The following CACNA1I variants were observed in gnomAD, a reference collection of about 807,000 sequenced individuals.
CACNA1I encodes the protein voltage-dependent T-type calcium channel subunit alpha-1I.
Under a neutral mutation model 201.6 loss-of-function variants are expected in CACNA1I, and 74 were observed. That is an observed-to-expected ratio of 0.37 (90% CI 0.30 to 0.45). The LOEUF (loss-of-function observed/expected upper bound fraction) is 0.45. Among genes scored for constraint, CACNA1I ranks in the 20% least tolerant of loss-of-function variants. CACNA1I has a pLI of 1.00. For missense variants in CACNA1I, 2,346 were observed against 3,138.1 expected (o/e 0.75, Z 6.03); for synonymous variants, 1,431 against 1,345.2 (o/e 1.06, Z -1.40).
intron 1 of CACNA1I, among the ~76,000 whole-genome samples, chr22:39,582,348 C>T (rs1932581551): frequency 6.6e-6 from 1 of 152,076 alleles, no homozygotes; most frequent in South Asian, 2.1e-4. Flanking sequence ...TTCATAATGT[C>T]TGGAGATGGT....
chr22:39,620,232 C>T (rs1414555418), intron 4 of CACNA1I, among the ~76,000 whole-genome samples: 3 of 150,538 alleles, frequency 2.0e-5, no homozygotes, highest in Non-Finnish European at 1.5e-5. Flanking sequence ...TCCACCCATC[C>T]ACCTGTCCAT....
At chr22:39,586,782 A>G (rs1401663889) in intron 1 of CACNA1I, among the ~76,000 whole-genome samples, 1 of 152,128 alleles carries the variant, frequency 6.6e-6, no homozygotes, top group Non-Finnish European at 1.5e-5. Context: ...GAGGCTGGAG[A>G]AGAATGTAAT....
At chr22:39,615,942 G>A (rs1007294010) in intron 3 of CACNA1I, among the ~76,000 whole-genome samples, 1 of 152,168 alleles carries the variant, frequency 6.6e-6, no homozygotes, top group African/African-American at 2.4e-5. Context: ...TGGTTGCCAG[G>A]AAGCTCAGAG....
rs1231772467 is a variant in CACNA1I at position 39,679,470 on chromosome 22, AG to A, written c.5394+28del. 8.7e-6 allele frequency: 12 copies of A among 1,383,772 alleles called. No individual in the cohort carries two copies. In the Admixed American group the frequency reaches 3.5e-4, roughly 41 times the overall value. 85.7% of individuals were successfully genotyped at this position (1,383,772 alleles called of 1,614,324 possible). ...GGTGGGCAGGGGCTGGAGAGGTGTGAGGGTCGCCAGAGGGGGGGCACCGCAG... is the reference window on the plus strand; with the variant it reads ...GGTGGGCAGGGGCTGGAGAGGTGTGAGGTCGCCAGAGGGGGGGCACCGCAG... On this transcript the variant is annotated intron_variant, in intron 32 of 36. Coordinates refer to ENST00000402142, the MANE Select transcript of CACNA1I (RefSeq NM_021096.4).
chr22:39,616,771 AAAAAAAAAAAAAAAAAG>A (rs532098283), intron 3 of CACNA1I, among the ~76,000 whole-genome samples: 57,152 of 150,226 alleles, frequency 0.38, 12,169 homozygotes, highest in Non-Finnish European at 0.49. Context: ...TCTCAAAAAA[AAAAAAAAAAAAAAAAAG>A]AAAAGAAAAA....
chr22:39,589,772 C>T (rs558694558), intron 1 of CACNA1I, among the ~76,000 whole-genome samples: 7 of 152,292 alleles, frequency 4.6e-5, no homozygotes, highest in African/African-American at 1.7e-4. Flanking sequence ...CACTGGGGAC[C>T]AGCAGGGGAG....
chr22:39,635,342 G>C lies in CACNA1I; in HGVS notation c.740+618G>C, dbSNP rs192110156. ...TCGGGGCTCAGGATGCGGCAGAAGG[G>C]GGGGGGTCCCTGCCCCCTGCCCTTG... On this transcript the variant is annotated intron_variant, in intron 5 of 36. Transcript: ENST00000402142. Among the ~76,000 whole-genome samples, 842 of 152,246 alleles carry C rather than the reference G, an allele frequency of 5.5e-3. 9 individuals are homozygous for C. Among genetic ancestry groups the C allele is most frequent in the Non-Finnish European group, 7.9e-3 (539 of 68,012 alleles).
chr22:39,605,974 T>C (rs1420884041), intron 3 of CACNA1I, among the ~76,000 whole-genome samples: 3 of 152,232 alleles, frequency 2.0e-5, no homozygotes, highest in African/African-American at 7.2e-5. Flanking sequence ...GCAGGGATGG[T>C]ATCACTGACA....
intron 34 of CACNA1I, among the ~76,000 whole-genome samples, chr22:39,681,808 G>C (rs2146481919): frequency 6.6e-6 from 1 of 152,260 alleles, no homozygotes; most frequent in East Asian, 1.9e-4. Flanking sequence ...TCAGCTCAGA[G>C]TAGGCTGTGG....
chr22:39,672,903 G>C, intron 27 of CACNA1I, 46 bp from the exon 28 acceptor site: 1 of 1,579,244 alleles, frequency 6.3e-7, no homozygotes, highest in East Asian at 2.3e-5. Flanking sequence ...GAACCAGAGG[G>C]ATCCTCCTCA....
intron 10 of CACNA1I, among the ~76,000 whole-genome samples, chr22:39,657,510 G>C (rs73888105): frequency 6.6e-6 from 1 of 152,186 alleles, no homozygotes; most frequent in South Asian, 2.1e-4. Flanking sequence ...GGCCATTGCT[G>C]GGAAGGGGAG....
chr22:39,637,042 T>C (rs1007919391), intron 5 of CACNA1I, among the ~76,000 whole-genome samples: 6 of 152,216 alleles, frequency 3.9e-5, no homozygotes, highest in Admixed American at 6.5e-5. Context: ...AGCCTCTCCC[T>C]GGCTGTGTGG....
Position 39,665,979 on chromosome 22 carries a change from C to G in CACNA1I, c.4077C>G (p.His1359Gln). The G allele has an allele frequency of 6.2e-7, 1 of 1,613,816 alleles. No individual in the cohort carries two copies. The highest frequency in any genetic ancestry group is 8.5e-7 in the Non-Finnish European group (1 of 1,179,862). The change falls in exon 23 of 37, where the codon CAC (histidine) becomes CAG (glutamine). Residue 1359 changes from histidine to glutamine, a missense_variant. Transcript: ENST00000402142. The surrounding 1 kb of genome is among the most constrained non-coding windows in gnomAD (Gnocchi z 5.5). The stretch of plus-strand genomic sequence containing the variant: ...CCGCCAACTACCGCTGGGTCCATCA[C>G]AAATACAACTTCGACAACCTGGGCC... Reference protein sequence around the residue: ...CMAANYRWVHHKYNFDNLGQA... With the variant: ...CMAANYRWVHQKYNFDNLGQA...
chr22:39,582,097 T>C (rs1379491087), intron 1 of CACNA1I, among the ~76,000 whole-genome samples: 2 of 152,184 alleles, frequency 1.3e-5, no homozygotes. Context: ...CTGAGGACTA[T>C]ACCTGGCTTT....
intron 10 of CACNA1I, chr22:39,656,659 A>AATGG: frequency 3.9e-6 from 2 of 518,964 alleles, no homozygotes; most frequent in Non-Finnish European, 7.7e-6. Flanking sequence ...TGAATGAATG[A>AATGG]ATGAATGAAT....
chr22:39,628,331 G>A (rs1386802962), intron 4 of CACNA1I, among the ~76,000 whole-genome samples: 2 of 152,114 alleles, frequency 1.3e-5, no homozygotes, highest in African/African-American at 4.8e-5. Flanking sequence ...TGATCTGATC[G>A]GGGCAGGGGC....
rs147913603 is a variant in CACNA1I at position 39,640,007 on chromosome 22, G to T, written c.741-860G>T. ...CCACGGCCAAAATGTTGGGATTTTT[G>T]ATTAGGATTGCAATGAAGCATAGAT... On this transcript the variant is annotated intron_variant, in intron 5 of 36. Transcript: ENST00000402142. Among the ~76,000 whole-genome samples the T allele has an allele frequency of 7.2e-5, 11 of 152,302 alleles. No individual in the cohort carries two copies. In the East Asian group the frequency reaches 1.3e-3, roughly 19 times the overall value.
Position 39,659,855 on chromosome 22 carries a change from G to A in CACNA1I, c.2604+3G>A. ...TGGTGGAGGGCTTCCAGGCGGAGGT[G>A]ACTGTGGTCTTGGCAGAGGAAGCAC... On this transcript the variant is annotated splice_donor_region_variant and intron_variant, in intron 14 of 36. Transcript: ENST00000402142. The surrounding 1 kb of genome is among the most constrained non-coding windows in gnomAD (Gnocchi z 4.3). 1 of 1,613,732 alleles carries A rather than the reference G, an allele frequency of 6.2e-7. No individual in the cohort carries two copies. The highest frequency in any genetic ancestry group is 8.5e-7 in the Non-Finnish European group (1 of 1,179,798).
chr22:39,582,783 A>C, intron 1 of CACNA1I, among the ~76,000 whole-genome samples: 2 of 43,564 alleles, frequency 4.6e-5, no homozygotes, highest in Admixed American at 3.3e-4. Flanking sequence ...CCACCCACCC[A>C]TCTTTCCCCC....
Sources: gnomAD v4.1 joint callset for allele counts (sites outside exome capture counted in the v4.1 genomes callset) on GRCh38, gnomAD v4.1.1 for gene constraint, Gnocchi (gnomAD v3.1) non-coding constraint, MANE v1.5 for transcripts, NCBI Gene and HGNC (gene_info 2026-07-23, HGNC 2026-07-21) for gene names.